GSK3B: variants seen among roughly 807,000 people sequenced by gnomAD.
GSK3B encodes glycogen synthase kinase-3 beta.
A neutral mutation model predicts 56.4 loss-of-function variants in GSK3B; 15 were observed. The observed-to-expected ratio is 0.27, with a 90% CI of 0.18 to 0.41. The LOEUF is 0.41. Among genes scored for constraint, GSK3B ranks in the 10% least tolerant of loss-of-function variants. The pLI is 1.00. For missense variants in GSK3B, 300 were observed against 513.4 expected (o/e 0.58, Z 4.02); for synonymous variants, 181 against 188.9 (o/e 0.96, Z 0.34).
intron 1 of GSK3B, among the ~76,000 whole-genome samples, chr3:120,057,555 T>C (rs769349598): frequency 4.6e-5 from 7 of 152,222 alleles, no homozygotes; most frequent in Non-Finnish European, 8.8e-5. Context: ...TATATATTAG[T>C]TATCATCTGA....
rs12630986 is a variant in GSK3B at position 119,974,170 on chromosome 3, C to T, written c.283-26819G>A. Among the ~76,000 whole-genome samples the T allele has an allele frequency of 2.6e-5, 4 of 152,290 alleles. No individual in the cohort carries two copies. In the East Asian group the frequency reaches 7.7e-4, roughly 29 times the overall value. On this transcript the variant is annotated intron_variant, in intron 2 of 10. Transcript: ENST00000264235. ...GAAGACATGAATGAAAAGTCACACA[C>T]TCTAGGAAAAGTCTTTGCAAAATAC...
chr3:119,870,593 A>G lies in GSK3B; in HGVS notation c.909+5820T>C, dbSNP rs535806099. On this transcript the variant is annotated intron_variant, in intron 8 of 10. Coordinates refer to ENST00000264235, the MANE Select transcript of GSK3B (RefSeq NM_001146156.2). ...GGATTTTAATGTGGGTTTCCAGCAA[A>G]CAAATAAAAATATATAGCCAGTAGA... Among the ~76,000 whole-genome samples, 3 of 152,260 alleles carry G rather than the reference A, an allele frequency of 2.0e-5. No homozygotes were observed. The East Asian group carries it at 5.8e-4, about 29-fold the overall frequency.
chr3:119,873,813 C>A (rs1259701735), intron 8 of GSK3B, among the ~76,000 whole-genome samples: 2 of 151,952 alleles, frequency 1.3e-5, no homozygotes, highest in Non-Finnish European at 2.9e-5. Context: ...AATGAGGAAC[C>A]AACATAAGTG....
intron 3 of GSK3B, among the ~76,000 whole-genome samples, chr3:119,927,504 A>C (rs757599323): frequency 1.3e-5 from 2 of 152,216 alleles, no homozygotes; most frequent in Non-Finnish European, 2.9e-5. Flanking sequence ...AGAGATTGGG[A>C]TTAATTTAAC....
intron 1 of GSK3B, among the ~76,000 whole-genome samples, chr3:120,087,050 C>T (rs1451994042): frequency 6.6e-6 from 1 of 152,068 alleles, no homozygotes; most frequent in East Asian, 1.9e-4. Flanking sequence ...AACAAGGAAC[C>T]GTTAATAAAA....
intron 1 of GSK3B, among the ~76,000 whole-genome samples, chr3:120,081,315 G>A (rs535732139): frequency 1.3e-5 from 2 of 151,644 alleles, no homozygotes; most frequent in African/African-American, 4.8e-5. Flanking sequence ...AACACTTTGG[G>A]AGGCGGGCGG....
At chr3:120,002,341 T>G in intron 1 of GSK3B, 102 bp from the exon 2 acceptor site, 1 of 554,424 alleles carries the variant, frequency 1.8e-6, no homozygotes, top group South Asian at 6.1e-5. Context: ...TATTTTTTAT[T>G]TTATTTTTTT....
At chr3:119,970,131 T>A (rs753277103) in intron 2 of GSK3B, among the ~76,000 whole-genome samples, 2 of 152,238 alleles carry the variant, frequency 1.3e-5, no homozygotes, top group Non-Finnish European at 2.9e-5. Flanking sequence ...TGTTGATTTA[T>A]AAACTTTACT....
At chr3:119,938,600 G>A (rs147146817) in intron 3 of GSK3B, among the ~76,000 whole-genome samples, 239 of 152,002 alleles carry the variant, frequency 1.6e-3, no homozygotes, top group Middle Eastern at 3.4e-3. Context: ...GTGATAAAAC[G>A]GAAAATGTTT....
intron 9 of GSK3B, among the ~76,000 whole-genome samples, chr3:119,862,728 G>C (rs1412323922): frequency 7.8e-6 from 1 of 128,152 alleles, no homozygotes; most frequent in Non-Finnish European, 1.6e-5. Flanking sequence ...TAATAAGAAA[G>C]TCACATCAGC....
chr3:120,089,804 A>T (rs1484489843), intron 1 of GSK3B, among the ~76,000 whole-genome samples: 3 of 152,228 alleles, frequency 2.0e-5, no homozygotes, highest in Non-Finnish European at 4.4e-5. Flanking sequence ...ATTCTAAAGA[A>T]AAACTTTATA....
At chr3:119,934,932 T>C (rs1454355348) in intron 3 of GSK3B, among the ~76,000 whole-genome samples, 4 of 152,162 alleles carry the variant, frequency 2.6e-5, no homozygotes, top group Admixed American at 6.5e-5. Context: ...ATTTTTTATA[T>C]AGTATGCATG....
intron 1 of GSK3B, among the ~76,000 whole-genome samples, chr3:120,048,272 A>G (rs1413096650): frequency 1.3e-5 from 2 of 152,244 alleles, no homozygotes; most frequent in East Asian, 3.8e-4. Context: ...TTTTAAAAAT[A>G]AACCTACCTT....
Position 119,822,802 on chromosome 3 carries a change from A to C in GSK3B, c.*3986T>G, listed in dbSNP as rs1366711554. 4.4e-6 allele frequency: 1 copy of C among 228,172 alleles called. No individual in the cohort carries two copies. The highest frequency in any genetic ancestry group is 2.2e-5 in the African/African-American group (1 of 45,072). The allele number at this position is 228,172 out of a possible 1,614,324, so 14.1% of individuals were successfully genotyped here. ...AACAGTAGGAATCAGATACAATTTC[A>C]GTTGAAAAGAAAGAAAACCCCCCAA... is the stretch of plus-strand genomic sequence containing the variant. On this transcript the variant is annotated 3_prime_UTR_variant, in exon 11 of 11. Transcript: ENST00000264235.
chr3:119,861,160 T>A (rs756165449), intron 9 of GSK3B, among the ~76,000 whole-genome samples: 2 of 152,010 alleles, frequency 1.3e-5, no homozygotes, highest in African/African-American at 4.8e-5. Flanking sequence ...GAAAACAAGA[T>A]CACCATTTGG....
intron 1 of GSK3B, among the ~76,000 whole-genome samples, chr3:120,043,860 T>C (rs1395496016): frequency 1.3e-5 from 2 of 152,152 alleles, no homozygotes; most frequent in Non-Finnish European, 2.9e-5. Context: ...CCCTCCTCCT[T>C]CTCCATCTAA....
Position 119,823,800 on chromosome 3 carries a change from A to C in GSK3B, c.*2988T>G. 5.0e-6 allele frequency: 1 copy of C among 199,970 alleles called. No homozygotes were observed. The highest frequency in any genetic ancestry group is 1.0e-5 in the Non-Finnish European group (1 of 96,770). The allele number at this position is 199,970 out of a possible 1,614,324, so 12.4% of individuals were successfully genotyped here. On this transcript the variant is annotated 3_prime_UTR_variant, in exon 11 of 11. Transcript: ENST00000264235. ...CCACTCCTGAGTATGGTATCACTGA[A>C]ACTTAACTGTGGAAGGGGCAAAGAT... is the stretch of plus-strand genomic sequence containing the variant.
intron 2 of GSK3B, among the ~76,000 whole-genome samples, chr3:119,964,301 G>A (rs1576233459): frequency 6.6e-6 from 1 of 152,076 alleles, no homozygotes; most frequent in Non-Finnish European, 1.5e-5. Context: ...TGCAATTAGG[G>A]TCTCAAAAAG....
intron 9 of GSK3B, among the ~76,000 whole-genome samples, chr3:119,854,898 G>GT (rs1372662023): frequency 6.6e-6 from 1 of 151,882 alleles, no homozygotes; most frequent in African/African-American, 2.4e-5. Flanking sequence ...TTTTTGAAGG[G>GT]TTTTTTGCGT....
Sources: gnomAD v4.1 joint callset for allele counts (sites outside exome capture counted in the v4.1 genomes callset) on GRCh38, gnomAD v4.1.1 for gene constraint, MANE v1.5 for transcripts, NCBI Gene and HGNC (gene_info 2026-07-23, HGNC 2026-07-21) for gene names.